Variants in LPP observed in about 807,000 individuals in gnomAD.
LPP encodes the protein LIM domain containing preferred translocation partner in lipoma.
A neutral mutation model predicts 60.4 loss-of-function variants in LPP; 38 were observed. The observed-to-expected ratio is 0.63, with a 90% CI of 0.49 to 0.83. The LOEUF (loss-of-function observed/expected upper bound fraction) is 0.83, where lower values mean the gene tolerates loss of function less well. Ranked by LOEUF, LPP falls within the 40% of genes least tolerant of loss-of-function variation. The pLI, the probability that LPP is intolerant of heterozygous loss-of-function variation, is 0.00. For missense variants in LPP, 902 were observed against 783.6 expected (o/e 1.15, Z -1.80); for synonymous variants, 328 against 290.8 (o/e 1.13, Z -1.30).
At chr3:188,623,841 T>A (rs1846275779) in intron 7 of LPP, among the ~76,000 whole-genome samples, 1 of 152,230 alleles carries the variant, frequency 6.6e-6, no homozygotes, top group South Asian at 2.1e-4. Context: ...TGGGCGGGTG[T>A]GTGCCAGACA....
At chr3:188,423,473 G>A (rs760980171) in intron 4 of LPP, among the ~76,000 whole-genome samples, 4 of 152,188 alleles carry the variant, frequency 2.6e-5, no homozygotes, top group East Asian at 1.9e-4. Flanking sequence ...TAATGGGATC[G>A]CTGGGTCAAA....
chr3:188,638,425 A>C, intron 7 of LPP, among the ~76,000 whole-genome samples: 2 of 141,532 alleles, frequency 1.4e-5, no homozygotes, highest in East Asian at 2.1e-4. Flanking sequence ...ATGGGCAAAA[A>C]CTGGAAGCAT....
intron 9 of LPP, among the ~76,000 whole-genome samples, chr3:188,819,026 TC>T (rs1167612753): frequency 9.8e-6 from 1 of 101,782 alleles, no homozygotes; most frequent in African/African-American, 4.1e-5. Flanking sequence ...CTCATGGGGG[TC>T]GTGTGTGTGT....
chr3:188,812,157 TAA>T (rs1357345429), intron 9 of LPP, among the ~76,000 whole-genome samples: 2 of 152,168 alleles, frequency 1.3e-5, no homozygotes, highest in Non-Finnish European at 2.9e-5. Flanking sequence ...TTTTCAACAT[TAA>T]GTGTAGTTCA....
chr3:188,199,063 AGGG>A (rs1730314078), intron 1 of LPP, among the ~76,000 whole-genome samples: 1 of 152,092 alleles, frequency 6.6e-6, no homozygotes, highest in African/African-American at 2.4e-5. Flanking sequence ...TGGGTGCTAG[AGGG>A]ATATGGTTGC....
chr3:188,726,419 A>G (rs934640475), intron 8 of LPP, among the ~76,000 whole-genome samples: 6 of 152,174 alleles, frequency 3.9e-5, no homozygotes, highest in Non-Finnish European at 7.3e-5. Context: ...CTCTTTATCA[A>G]TACTTATTGA....
At chr3:188,180,523 G>A (rs990691322) in intron 1 of LPP, 123 of 154,444 alleles carry the variant, frequency 8.0e-4, no homozygotes, top group African/African-American at 2.9e-3. Context: ...AAACAAACCT[G>A]AACTTACTAT....
Position 188,532,014 on chromosome 3 carries a change from A to G in LPP, c.429+7227A>G, listed in dbSNP as rs536376522. ...CTGTGGGATCTGTAATAGTAACTCC[A>G]GGTAGATTGTGTCAGAACTGAATTG... On this transcript the variant is annotated intron_variant, in intron 6 of 11. Transcript: ENST00000617246. 1.3e-3 allele frequency among the ~76,000 whole-genome samples: 191 copies of G among 152,250 alleles called. 1 individual carries two copies. The highest frequency in any genetic ancestry group is 2.2e-3 in the Non-Finnish European group (147 of 68,022).
chr3:188,764,184 G>A (rs1733290807), intron 9 of LPP, among the ~76,000 whole-genome samples: 1 of 152,098 alleles, frequency 6.6e-6, no homozygotes, highest in African/African-American at 2.4e-5. Context: ...CTAAAACTTT[G>A]TTAGGAAGTG....
intron 2 of LPP, among the ~76,000 whole-genome samples, chr3:188,259,016 T>C (rs1450385372): frequency 6.6e-6 from 1 of 152,200 alleles, no homozygotes; most frequent in African/African-American, 2.4e-5. Context: ...TGGCTTTTGC[T>C]GTCTTCCCTT....
intron 4 of LPP, among the ~76,000 whole-genome samples, chr3:188,433,801 T>G (rs756790614): frequency 6.6e-6 from 1 of 151,886 alleles, no homozygotes; most frequent in Non-Finnish European, 1.5e-5. Context: ...CAGAAAGAAG[T>G]AAACAAAAAA....
At chr3:188,518,502 C>G (rs1818014988) in intron 5 of LPP, among the ~76,000 whole-genome samples, 1 of 152,158 alleles carries the variant, frequency 6.6e-6, no homozygotes, top group Admixed American at 6.5e-5. Flanking sequence ...TGGGTAGGGT[C>G]TGGGAACCTC....
intron 7 of LPP, among the ~76,000 whole-genome samples, chr3:188,666,131 A>C (rs780424918): frequency 2.0e-5 from 3 of 152,236 alleles, no homozygotes; most frequent in Non-Finnish European, 4.4e-5. Flanking sequence ...GAATAACATA[A>C]GTGTCCTGAC....
chr3:188,844,268 GGCCT>G (rs1760888848), intron 9 of LPP, among the ~76,000 whole-genome samples: 1 of 152,106 alleles, frequency 6.6e-6, no homozygotes, highest in African/African-American at 2.4e-5. Flanking sequence ...TGAAAGTGCT[GGCCT>G]GCCTGTATTT....
At chr3:188,701,002 C>T (rs984190649) in intron 7 of LPP, among the ~76,000 whole-genome samples, 7 of 152,302 alleles carry the variant, frequency 4.6e-5, no homozygotes, top group African/African-American at 1.4e-4. Flanking sequence ...AGCAAAATCA[C>T]TGGACAACTT....
At chr3:188,526,142 T>G (rs1293337674) in intron 6 of LPP, among the ~76,000 whole-genome samples, 1 of 152,208 alleles carries the variant, frequency 6.6e-6, no homozygotes, top group Non-Finnish European at 1.5e-5. Context: ...TAAGTGAGAG[T>G]GCATAGAGCC....
intron 3 of LPP, among the ~76,000 whole-genome samples, chr3:188,383,758 T>G (rs1777493452): frequency 6.6e-6 from 1 of 152,218 alleles, no homozygotes; most frequent in Non-Finnish European, 1.5e-5. Context: ...CTTAACATTA[T>G]TTTTAAATGT....
chr3:188,355,859 G>A (rs1767459430), intron 3 of LPP, among the ~76,000 whole-genome samples: 1 of 152,060 alleles, frequency 6.6e-6, no homozygotes, highest in South Asian at 2.1e-4. Flanking sequence ...CTTTTTTCAT[G>A]AATTCCTAGC....
In LPP at chr3:188,817,577, T is replaced by C. The variant is rs569843818; in HGVS notation, c.1411-48623T>C. On this transcript the variant is annotated intron_variant, in intron 9 of 11. Transcript: ENST00000617246. Reference sequence around the variant, plus strand: ...TGGCAATTTTCTTTCCTGAAGCATATCACACCTTCTTACATTTGACAAGCA... The same window carrying C: ...TGGCAATTTTCTTTCCTGAAGCATACCACACCTTCTTACATTTGACAAGCA... Among the ~76,000 whole-genome samples the C allele has an allele frequency of 2.6e-5, 4 of 152,320 alleles. No homozygotes were observed. In the South Asian group the frequency reaches 6.2e-4, roughly 24 times the overall value.
Sources: allele counts gnomAD v4.1 joint callset (sites outside exome capture counted in the v4.1 genomes callset), GRCh38; gene constraint gnomAD v4.1.1; transcripts MANE v1.5; gene names NCBI Gene and HGNC (gene_info 2026-07-23, HGNC 2026-07-21).